The following ATAD2B variants were observed in gnomAD, a reference collection of about 807,000 sequenced individuals.
The protein encoded by ATAD2B is ATPase family AAA domain containing 2B, also known as ATPase family AAA domain-containing protein 2B.
A neutral mutation model predicts 167.6 loss-of-function variants in ATAD2B; 40 were observed. The observed-to-expected ratio is 0.24, with a 90% confidence interval of 0.19 to 0.31. The LOEUF is 0.31. Among genes scored for constraint, ATAD2B ranks in the 10% least tolerant of loss-of-function variants. The pLI, the probability that ATAD2B is intolerant of heterozygous loss-of-function variation, is 1.00. For missense variants in ATAD2B, 1,242 were observed against 1,757.2 expected, an observed-to-expected ratio of 0.71 and a Z score of 5.24; for synonymous variants, 579 against 596.5, an observed-to-expected ratio of 0.97 and a Z score of 0.43.
intron 18 of ATAD2B, among the ~76,000 whole-genome samples, chr2:23,803,220 C>G (rs1330901789): frequency 1.3e-5 from 2 of 151,934 alleles, no homozygotes; most frequent in Non-Finnish European, 2.9e-5. Flanking sequence ...TACTTGTGAA[C>G]TTAAGGGGGC....
At chr2:23,762,936 C>A (rs542005352) in intron 23 of ATAD2B, among the ~76,000 whole-genome samples, 6 of 152,132 alleles carry the variant, frequency 3.9e-5, no homozygotes, top group Admixed American at 3.9e-4. Context: ...CATTCCCCAG[C>A]GAAGTATCAT....
intron 17 of ATAD2B, among the ~76,000 whole-genome samples, chr2:23,812,879 AATGC>A (rs1326491764): frequency 6.7e-6 from 1 of 150,120 alleles, no homozygotes; most frequent in East Asian, 2.0e-4. Context: ...TACCAATTTT[AATGC>A]ATTCAAACAT....
the ATAD2B span, among the ~76,000 whole-genome samples, chr2:23,699,493 T>C: frequency 7.2e-5 from 11 of 152,294 alleles, no homozygotes; most frequent in South Asian, 2.1e-3. Flanking sequence ...AGCTTCCCCA[T>C]GAAGCAAGAC....
At chr2:23,695,645 T>C in the ATAD2B span, 3 of 1,551,106 alleles carry the variant, frequency 1.9e-6, no homozygotes, top group East Asian at 7.3e-5. This position sits in a 1 kb window ranked among gnomAD's most constrained non-coding sequence, Gnocchi z 7.6. Context: ...CTCCTGGCCG[T>C]GGTCCGCCTC....
At chr2:23,795,203 G>A (rs1682413174) in intron 19 of ATAD2B, among the ~76,000 whole-genome samples, 1 of 152,104 alleles carries the variant, frequency 6.6e-6, no homozygotes, top group Non-Finnish European at 1.5e-5. Flanking sequence ...TATATCCACA[G>A]ATAATTACTA....
rs1470391006 is a variant in ATAD2B at position 23,861,323 on chromosome 2, T to C, written c.1479+2058A>G. On this transcript the variant is annotated intron_variant, in intron 12 of 27. Coordinates refer to ENST00000238789, the MANE Select transcript of ATAD2B (RefSeq NM_017552.4). Reference sequence around the variant, plus strand: ...ACAAAAAAGGCTACTAAAGATTAAATGTTTTGATTTACTTAATGTTATATT... The same window carrying C: ...ACAAAAAAGGCTACTAAAGATTAAACGTTTTGATTTACTTAATGTTATATT... Among the ~76,000 whole-genome samples the C allele has an allele frequency of 2.0e-5, 3 of 151,868 alleles. No individual in the cohort carries two copies. The East Asian group carries it at 5.8e-4, about 29-fold the overall frequency.
chr2:23,782,860 C>A lies in ATAD2B; in HGVS notation c.3133+9G>T. ...TTATCAAGGGGAACCTTGCCCTATG[C>A]ATCCTTACCTCCTGGGTCCTTATCT... On this transcript the variant is annotated intron_variant, in intron 22 of 27. Transcript: ENST00000238789. 6.2e-7 allele frequency: 1 copy of A among 1,603,438 alleles called. No individual in the cohort carries two copies. The highest frequency in any genetic ancestry group is 8.5e-7 in the Non-Finnish European group (1 of 1,174,480).
the ATAD2B span, among the ~76,000 whole-genome samples, chr2:23,733,945 T>C: frequency 1.3e-5 from 2 of 152,232 alleles, no homozygotes; most frequent in Admixed American, 1.3e-4. Context: ...TTGCCTAAAC[T>C]TGTTTGCCTG....
intron 15 of ATAD2B, among the ~76,000 whole-genome samples, chr2:23,826,766 C>G (rs528793996): frequency 1.3e-5 from 2 of 152,202 alleles, no homozygotes; most frequent in African/African-American, 4.8e-5. Context: ...TTGAGTGTTT[C>G]ATTAATCATA....
At chr2:23,907,769 T>C (rs1004223454) in intron 1 of ATAD2B, among the ~76,000 whole-genome samples, 2 of 152,150 alleles carry the variant, frequency 1.3e-5, no homozygotes, top group Non-Finnish European at 2.9e-5. Context: ...CAAAACAGCA[T>C]GGTACTGGTA....
At chr2:23,780,038 A>G (rs1679759274) in intron 22 of ATAD2B, among the ~76,000 whole-genome samples, 1 of 152,178 alleles carries the variant, frequency 6.6e-6, no homozygotes, top group African/African-American at 2.4e-5. Flanking sequence ...TGAACCCAGG[A>G]GTTTGAGACC....
intron 24 of ATAD2B, among the ~76,000 whole-genome samples, chr2:23,761,787 C>A (rs987401341): frequency 3.3e-5 from 5 of 152,300 alleles, no homozygotes; most frequent in Non-Finnish European, 5.9e-5. Flanking sequence ...ACAAAATAGT[C>A]TCTCAGAAAA....
intron 22 of ATAD2B, among the ~76,000 whole-genome samples, chr2:23,768,751 G>C (rs1306690029): frequency 1.3e-5 from 2 of 152,074 alleles, no homozygotes; most frequent in African/African-American, 2.4e-5. Context: ...GAATCACAAA[G>C]AATATTTTTA....
At chr2:23,894,462 A>G (rs1699933978) in intron 2 of ATAD2B, among the ~76,000 whole-genome samples, 1 of 151,312 alleles carries the variant, frequency 6.6e-6, no homozygotes, top group African/African-American at 2.4e-5. Flanking sequence ...GCAAAACTCC[A>G]TCTCAAAAAA....
At chr2:23,857,601 T>A in intron 12 of ATAD2B, 98 bp from the exon 13 acceptor site, 1 of 537,496 alleles carries the variant, frequency 1.9e-6, no homozygotes, top group Non-Finnish European at 3.1e-6. Flanking sequence ...TGGTACAACA[T>A]GCAGCAGGTA....
At chr2:23,868,798 A>G (rs1333528140) in intron 9 of ATAD2B, among the ~76,000 whole-genome samples, 1 of 152,240 alleles carries the variant, frequency 6.6e-6, no homozygotes, top group Non-Finnish European at 1.5e-5. Flanking sequence ...AAATTAATAT[A>G]GTCAACTTCC....
the ATAD2B span, among the ~76,000 whole-genome samples, chr2:23,720,660 G>A: frequency 9.3e-5 from 14 of 151,132 alleles, no homozygotes; most frequent in South Asian, 2.1e-4. Flanking sequence ...AATCAGATCC[G>A]CCTGGAGTCA....
chr2:23,786,871 G>A (rs1226599797), intron 20 of ATAD2B, among the ~76,000 whole-genome samples: 2 of 152,002 alleles, frequency 1.3e-5, no homozygotes, highest in Non-Finnish European at 2.9e-5. Flanking sequence ...AGTCAACCTT[G>A]TTTAAAAACT....
chr2:23,852,808 A>G (rs1692776984), intron 13 of ATAD2B, among the ~76,000 whole-genome samples: 1 of 151,956 alleles, frequency 6.6e-6, no homozygotes, highest in Non-Finnish European at 1.5e-5. Flanking sequence ...AATGCCAGGT[A>G]CTCGGGAGGC....
Sources: allele counts gnomAD v4.1 joint callset (sites outside exome capture counted in the v4.1 genomes callset), GRCh38; gene constraint gnomAD v4.1.1; non-coding constraint Gnocchi (gnomAD v3.1); transcripts MANE v1.5; gene names NCBI Gene and HGNC (gene_info 2026-07-23, HGNC 2026-07-21).